Variants in IMPG2 observed in about 807,000 individuals in gnomAD.
IMPG2 encodes the protein IPM 200.
IMPG2 carries 91 observed loss-of-function variants against 129.2 expected under a neutral mutation model. The observed-to-expected ratio is 0.70, with a 90% CI of 0.59 to 0.84. The LOEUF (loss-of-function observed/expected upper bound fraction) is 0.84, where lower values mean the gene tolerates loss of function less well. Among genes scored for constraint, IMPG2 ranks in the 40% least tolerant of loss-of-function variants. The pLI, the probability that IMPG2 is intolerant of heterozygous loss-of-function variation, is 0.00. For synonymous variants in IMPG2, 510 were observed against 517.7 expected (o/e 0.99, Z 0.20); for missense variants, 1,430 against 1,461.7 (o/e 0.98, Z 0.35).
chr3:101,310,870 T>G (rs1707257303), intron 2 of IMPG2, among the ~76,000 whole-genome samples: 2 of 152,140 alleles, frequency 1.3e-5, no homozygotes, highest in Non-Finnish European at 2.9e-5. Flanking sequence ...CTCCTATAAA[T>G]TATGCTTTGG....
At chr3:101,259,602 A>G (rs980097384) in intron 9 of IMPG2, among the ~76,000 whole-genome samples, 5 of 151,378 alleles carry the variant, frequency 3.3e-5, no homozygotes, top group Non-Finnish European at 7.4e-5. Context: ...TGAAGGCAGA[A>G]AGAAAACCGC....
At chr3:101,236,304 A>C (rs1396786489) in intron 14 of IMPG2, among the ~76,000 whole-genome samples, 1 of 152,242 alleles carries the variant, frequency 6.6e-6, no homozygotes, top group Non-Finnish European at 1.5e-5. Flanking sequence ...GGCTAATGCC[A>C]GCTAATTTGA....
Position 101,245,897 on chromosome 3 carries a change from C to T in IMPG2, c.1448G>A (p.Ser483Asn), listed in dbSNP as rs775510547. The T allele has an allele frequency of 1.9e-6, 3 of 1,614,204 alleles. No individual in the cohort carries two copies. In the South Asian group the frequency reaches 3.3e-5, roughly 18 times the overall value. The change falls in exon 12 of 19, where the codon AGC (serine) becomes AAC (asparagine). Residue 483 changes from serine (S) to asparagine (N), a missense_variant. Physicochemically the swap from Ser to Asn is conservative, Grantham distance 46. Transcript: ENST00000193391. ...SSSPEVLEVSSLTLHSVTPAV... is the reference protein window; with the variant it reads ...SSSPEVLEVSNLTLHSVTPAV... The stretch of plus-strand genomic sequence containing the variant: ...CGGGGTGACAGAATGAAGAGTCAAG[C>T]TGCTAACCTCTAAAACCTCTGGGGA...
intron 18 of IMPG2, 128 bp downstream of exon 18, chr3:101,228,669 A>G: frequency 1.3e-6 from 1 of 754,508 alleles, no homozygotes; most frequent in Non-Finnish European, 2.4e-6. Context: ...AGAACTCAAC[A>G]AATGTTGGTT....
intron 17 of IMPG2, 80 bp downstream of exon 17, chr3:101,229,300 A>ACCCCCACCCCCCCCCCCCCGCGCC: frequency 1.2e-6 from 1 of 859,118 alleles, no homozygotes; most frequent in Non-Finnish European, 1.9e-6. Context: ...ACTCATACAC[A>ACCCCCACCCCCCCCCCCCCGCGCC]CCCCCACCCA....
intron 14 of IMPG2, among the ~76,000 whole-genome samples, chr3:101,240,395 A>C (rs1414205515): frequency 6.6e-6 from 1 of 152,222 alleles, no homozygotes; most frequent in African/African-American, 2.4e-5. Context: ...TTGGGATTAC[A>C]AGTGTGAGTC....
chr3:101,318,820 T>G (rs2107148059), intron 2 of IMPG2, among the ~76,000 whole-genome samples: 1 of 152,260 alleles, frequency 6.6e-6, no homozygotes, highest in South Asian at 2.1e-4. Flanking sequence ...AGGGACATAC[T>G]AAGGTCAATT....
intron 2 of IMPG2, among the ~76,000 whole-genome samples, chr3:101,308,328 T>C (rs575489563): frequency 6.6e-6 from 1 of 152,356 alleles, no homozygotes; most frequent in Non-Finnish European, 1.5e-5. Flanking sequence ...TAGCAGATGT[T>C]CCCCATGAGG....
At chr3:101,257,256 C>A (rs572476774) in intron 10 of IMPG2, among the ~76,000 whole-genome samples, 2 of 152,190 alleles carry the variant, frequency 1.3e-5, no homozygotes, top group Non-Finnish European at 2.9e-5. Context: ...GTACTACTTT[C>A]CTTTTTCTTA....
chr3:101,253,470 A>C (rs2107229629), intron 11 of IMPG2, among the ~76,000 whole-genome samples: 1 of 152,264 alleles, frequency 6.6e-6, no homozygotes, highest in Non-Finnish European at 1.5e-5. Context: ...CCCTGTGTGG[A>C]GTTTGGCAAT....
chr3:101,260,543 T>C (rs1482439771), intron 9 of IMPG2, among the ~76,000 whole-genome samples: 4 of 151,848 alleles, frequency 2.6e-5, no homozygotes, highest in Non-Finnish European at 5.9e-5. Flanking sequence ...CCTTGCTCTT[T>C]ATTAGCCTTC....
intron 2 of IMPG2, among the ~76,000 whole-genome samples, chr3:101,308,478 C>A (rs1473996781): frequency 1.3e-5 from 2 of 152,272 alleles, no homozygotes; most frequent in African/African-American, 4.8e-5. Context: ...GCTGCCAAGG[C>A]CTGGGGCTTG....
rs753694597 is a variant in IMPG2 at position 101,304,274 on chromosome 3, A to C, written c.373T>G (p.Trp125Gly). 1.9e-6 allele frequency: 3 copies of C among 1,613,748 alleles called. No homozygotes were observed. The African/African-American group carries it at 4.0e-5, about 22-fold the overall frequency. The change falls in exon 3 of 19, where the codon TGG (tryptophan) becomes GGG (glycine). Residue 125 changes from tryptophan (W) to glycine (G), a missense_variant. Physicochemically the swap from Trp to Gly is radical, Grantham distance 184. Coordinates refer to ENST00000193391, the MANE Select transcript of IMPG2 (RefSeq NM_016247.4). ...EAVWEAFRTF[W>G]DRLPGREEYH... ...TCCTCACGCCCAGGAAGTCGATCCC[A>C]AAAAGTCCTGAAGGCTTCCCAGACA...
At chr3:101,298,530 T>C (rs532325372) in intron 3 of IMPG2, among the ~76,000 whole-genome samples, 2 of 152,366 alleles carry the variant, frequency 1.3e-5, no homozygotes, top group Admixed American at 1.3e-4. Context: ...CTGCAGTGGC[T>C]GGTACCAGTT....
intron 5 of IMPG2, among the ~76,000 whole-genome samples, chr3:101,276,078 G>C (rs1041670481): frequency 2.0e-5 from 3 of 152,152 alleles, no homozygotes; most frequent in African/African-American, 7.2e-5. Flanking sequence ...CTCTACCAGA[G>C]AGGAGAAGTG....
intron 9 of IMPG2, among the ~76,000 whole-genome samples, chr3:101,267,128 A>C (rs1310989127): frequency 6.6e-6 from 1 of 152,224 alleles, no homozygotes; most frequent in Admixed American, 6.5e-5. Flanking sequence ...CCCAAGAGTT[A>C]CTGAATATTA....
At chr3:101,235,897 C>T (rs993201523) in intron 14 of IMPG2, among the ~76,000 whole-genome samples, 1 of 152,168 alleles carries the variant, frequency 6.6e-6, no homozygotes, top group Non-Finnish European at 1.5e-5. Flanking sequence ...ATGGCCTGAG[C>T]AACATCATAG....
chr3:101,260,544 A>G (rs1706658314), intron 9 of IMPG2, among the ~76,000 whole-genome samples: 1 of 152,136 alleles, frequency 6.6e-6, no homozygotes, highest in African/African-American at 2.4e-5. Flanking sequence ...CTTGCTCTTT[A>G]TTAGCCTTCA....
At chr3:101,241,476 T>C (rs1257988033) in intron 14 of IMPG2, among the ~76,000 whole-genome samples, 1 of 152,114 alleles carries the variant, frequency 6.6e-6, no homozygotes, top group Admixed American at 6.5e-5. Flanking sequence ...GGGAAGAAGA[T>C]GGGGACCAGG....
Sources: allele counts gnomAD v4.1 joint callset (sites outside exome capture counted in the v4.1 genomes callset), GRCh38; gene constraint gnomAD v4.1.1; transcripts MANE v1.5; gene names NCBI Gene and HGNC (gene_info 2026-07-23, HGNC 2026-07-21).